The following PDE1A variants were observed in gnomAD, a reference collection of about 807,000 sequenced individuals.
PDE1A encodes the protein phosphodiesterase 1A, also known as dual specificity calcium/calmodulin-dependent 3',5'-cyclic nucleotide phosphodiesterase 1A.
A neutral mutation model predicts 61.7 loss-of-function variants in PDE1A; 35 were observed. The observed-to-expected ratio is 0.57, with a 90% CI of 0.43 to 0.75. The LOEUF (loss-of-function observed/expected upper bound fraction) is 0.75, where lower values mean the gene tolerates loss of function less well. PDE1A is among the 30% of genes least tolerant of loss of function. PDE1A has a pLI of 0.00. For missense variants in PDE1A, 597 were observed against 630.6 expected, an observed-to-expected ratio of 0.95 and a Z score of 0.57; for synonymous variants, 232 against 213.2, an observed-to-expected ratio of 1.09 and a Z score of -0.77.
At chr2:182,643,745 T>C in the PDE1A span, among the ~76,000 whole-genome samples, 1 of 152,082 alleles carries the variant, frequency 6.6e-6, no homozygotes, top group African/African-American at 2.4e-5. Flanking sequence ...AGGGGGACAC[T>C]ACAATAACAA....
intron 1 of PDE1A, among the ~76,000 whole-genome samples, chr2:182,291,822 T>A (rs1694551119): frequency 6.6e-6 from 1 of 152,162 alleles, no homozygotes; most frequent in Non-Finnish European, 1.5e-5. Context: ...ATTTGCCTAT[T>A]CATAGGATTT....
downstream of PDE1A, among the ~76,000 whole-genome samples, chr2:182,143,497 T>C (rs1006379066): frequency 8.6e-5 from 13 of 152,016 alleles, no homozygotes; most frequent in Admixed American, 6.5e-5. Flanking sequence ...TAAAAAATTT[T>C]AATTAATTAA....
At chr2:182,426,503 C>A in intron 1 of PDE1A, 75 bp downstream of exon 1, 3 of 1,053,930 alleles carry the variant, frequency 2.8e-6, no homozygotes, top group Non-Finnish European at 4.5e-6. Flanking sequence ...GTGGCAGAAT[C>A]CCCAAATTAA....
chr2:182,379,027 T>A (rs1325852300), intron 1 of PDE1A, among the ~76,000 whole-genome samples: 1 of 152,212 alleles, frequency 6.6e-6, no homozygotes, highest in Non-Finnish European at 1.5e-5. Flanking sequence ...GACAAAACTT[T>A]TAAAGTTAGT....
At chr2:182,524,388 G>A (rs1369323195), upstream of PDE1A, among the ~76,000 whole-genome samples, 1 of 152,078 alleles carries the variant, frequency 6.6e-6, no homozygotes, top group Non-Finnish European at 1.5e-5. Flanking sequence ...ACATTGACCA[G>A]CTTACCAATA....
At chr2:182,475,536 T>C (rs1286589661) in intron 2 of PDE1A, among the ~76,000 whole-genome samples, 2 of 151,980 alleles carry the variant, frequency 1.3e-5, no homozygotes, top group Non-Finnish European at 2.9e-5. Context: ...ATTCTCATTA[T>C]TACTTTAATA....
downstream of PDE1A, among the ~76,000 whole-genome samples, chr2:182,166,401 A>G (rs141276010): frequency 2.0e-3 from 307 of 152,294 alleles, 1 homozygote; most frequent in African/African-American, 7.2e-3. Flanking sequence ...GGAAACTTCC[A>G]TCACAGAAGG....
chr2:182,264,262 G>A (rs930138247), intron 2 of PDE1A, 39 bp downstream of exon 2: 1 of 1,352,188 alleles, frequency 7.4e-7, no homozygotes, highest in Non-Finnish European at 1.0e-6. Context: ...AAACGGGAGA[G>A]AATCAAAGAA....
intron 1 of PDE1A, among the ~76,000 whole-genome samples, chr2:182,269,941 T>C (rs546632527): frequency 7.7e-4 from 118 of 152,294 alleles, no homozygotes; most frequent in Non-Finnish European, 1.6e-3. Flanking sequence ...GTATATACCT[T>C]CATTTTTCAT....
intron 1 of PDE1A, among the ~76,000 whole-genome samples, chr2:182,423,741 C>T (rs753078865): frequency 6.6e-6 from 1 of 151,954 alleles, no homozygotes; most frequent in East Asian, 1.9e-4. Context: ...TGATATGTCA[C>T]GTGAGGGCAC....
chr2:182,226,911 T>C (rs138101704), intron 6 of PDE1A, among the ~76,000 whole-genome samples: 1 of 152,100 alleles, frequency 6.6e-6, no homozygotes, highest in Non-Finnish European at 1.5e-5. Flanking sequence ...GGAAGGGAAT[T>C]AACATTAACT....
chr2:182,490,716 T>C (rs569547511), intron 2 of PDE1A, among the ~76,000 whole-genome samples: 2 of 152,300 alleles, frequency 1.3e-5, no homozygotes, highest in East Asian at 3.9e-4. Context: ...GGTACACTTA[T>C]AGGCTGATCA....
At chr2:182,537,944 G>C in the PDE1A span, among the ~76,000 whole-genome samples, 2 of 152,106 alleles carry the variant, frequency 1.3e-5, no homozygotes, top group African/African-American at 2.4e-5. Context: ...AGCTCTTCAA[G>C]ACTGAAGCTC....
intron 7 of PDE1A, among the ~76,000 whole-genome samples, chr2:182,221,178 C>A (rs537981630): frequency 6.6e-6 from 1 of 151,966 alleles, no homozygotes; most frequent in Non-Finnish European, 1.5e-5. Flanking sequence ...ACTCTTCATC[C>A]ACTTGCAGAT....
intron 2 of PDE1A, among the ~76,000 whole-genome samples, chr2:182,468,098 C>T (rs1011944891): frequency 1.3e-5 from 2 of 151,882 alleles, no homozygotes; most frequent in African/African-American, 4.8e-5. Flanking sequence ...GTGATCAGGA[C>T]GGTGGTTGCT....
At chr2:182,662,632 C>A in the PDE1A span, among the ~76,000 whole-genome samples, 3 of 152,078 alleles carry the variant, frequency 2.0e-5, no homozygotes, top group African/African-American at 7.2e-5. Context: ...AACTGGCCAG[C>A]TATATGCAGG....
chr2:182,527,459 G>A (rs1274940810), upstream of PDE1A, among the ~76,000 whole-genome samples: 3 of 148,482 alleles, frequency 2.0e-5, no homozygotes, highest in Non-Finnish European at 4.5e-5. Flanking sequence ...TTGGGGGGCT[G>A]AGGTGGGAGG....
the PDE1A span, among the ~76,000 whole-genome samples, chr2:182,669,859 C>A: frequency 6.6e-6 from 1 of 152,190 alleles, no homozygotes; most frequent in African/African-American, 2.4e-5. Context: ...GCTAAGGAAT[C>A]CGGGAGTGGC....
chr2:182,197,480 C>T (rs186964101), intron 10 of PDE1A, among the ~76,000 whole-genome samples: 7 of 151,154 alleles, frequency 4.6e-5, no homozygotes, highest in South Asian at 2.1e-4. Context: ...TACCTACCCC[C>T]GAGATTAGAG....
Sources: allele counts gnomAD v4.1 joint callset (sites outside exome capture counted in the v4.1 genomes callset), GRCh38; gene constraint gnomAD v4.1.1; transcripts MANE v1.5; gene names NCBI Gene and HGNC (gene_info 2026-07-23, HGNC 2026-07-21).